The following NXPE2 variants were observed in gnomAD, a reference collection of about 807,000 sequenced individuals.
The protein encoded by NXPE2 is NXPE family member 2.
A neutral mutation model predicts 34.4 loss-of-function variants in NXPE2; 34 were observed. The ratio of observed to expected loss-of-function variants is 0.99; its 90% CI spans 0.75 to 1.31. The LOEUF (loss-of-function observed/expected upper bound fraction) is 1.31, where lower values mean the gene tolerates loss of function less well. NXPE2 is among the 40% of genes most tolerant of loss of function. NXPE2 has a pLI of 0.00. For missense variants in NXPE2, 649 were observed against 672.5 expected (o/e 0.97, Z 0.39); for synonymous variants, 235 against 231.3 (o/e 1.02, Z -0.15).
chr11:114,590,830 G>T, the NXPE2 span, among the ~76,000 whole-genome samples: 2 of 152,140 alleles, frequency 1.3e-5, no homozygotes, highest in Non-Finnish European at 2.9e-5. Context: ...AACTGTTTAT[G>T]CCCCACACAA....
the NXPE2 span, among the ~76,000 whole-genome samples, chr11:114,664,734 A>G: frequency 3.9e-5 from 6 of 152,308 alleles, no homozygotes; most frequent in Admixed American, 3.3e-4. Context: ...CGTACTTCCA[A>G]TTTTGAATTT....
chr11:114,535,719 CAAG>C, the NXPE2 span, among the ~76,000 whole-genome samples: 40 of 152,274 alleles, frequency 2.6e-4, no homozygotes, highest in African/African-American at 9.4e-4. Context: ...ATCAATTCAA[CAAG>C]AAGAACTAGC....
the NXPE2 span, among the ~76,000 whole-genome samples, chr11:114,524,560 A>G: frequency 1.3e-5 from 2 of 152,208 alleles, no homozygotes; most frequent in Non-Finnish European, 2.9e-5. Context: ...TGTTGGAATT[A>G]CAGTGTGATA....
At chr11:114,645,226 G>C in the NXPE2 span, among the ~76,000 whole-genome samples, 1 of 152,110 alleles carries the variant, frequency 6.6e-6, no homozygotes. Context: ...ACTTGAACCC[G>C]AGAGGCAGAA....
chr11:114,475,770 T>C, the NXPE2 span, among the ~76,000 whole-genome samples: 2 of 152,246 alleles, frequency 1.3e-5, no homozygotes, highest in Non-Finnish European at 2.9e-5. Flanking sequence ...TTTTGTTTCC[T>C]TGCTGCACTT....
the NXPE2 span, among the ~76,000 whole-genome samples, chr11:114,802,695 T>A: frequency 1.3e-5 from 2 of 152,198 alleles, no homozygotes. Flanking sequence ...AATTTGAGTC[T>A]AATTCCTAAT....
At chr11:114,751,031 G>C in the NXPE2 span, among the ~76,000 whole-genome samples, 1 of 152,110 alleles carries the variant, frequency 6.6e-6, no homozygotes, top group Non-Finnish European at 1.5e-5. Flanking sequence ...GTCACTCAGG[G>C]ACTCAGGCTG....
At chr11:114,787,242 T>G in the NXPE2 span, among the ~76,000 whole-genome samples, 1 of 152,190 alleles carries the variant, frequency 6.6e-6, no homozygotes, top group Non-Finnish European at 1.5e-5. Context: ...CCCTTGGTGC[T>G]GCAAGGACAC....
At position 114,698,826 on chromosome 11, in the gene NXPE2, C is replaced by T. The variant is rs1951313305; in HGVS notation, c.866+48C>T. 2.1e-6 allele frequency: 3 copies of T among 1,437,296 alleles called. No individual in the cohort carries two copies. The South Asian group carries it at 4.5e-5, about 22-fold the overall frequency. 89.0% of individuals were successfully genotyped at this position (1,437,296 alleles called of 1,614,324 possible). A position where few individuals can be genotyped will look rare whatever the true frequency, so the allele number is the denominator to read the frequency against. Reference sequence around the variant, plus strand: ...TAGCAGATAAAAAGAGGTATCCGACCAAACTCTGCCTAGTAGTTTTGCCTA... The same window carrying T: ...TAGCAGATAAAAAGAGGTATCCGACTAAACTCTGCCTAGTAGTTTTGCCTA... On this transcript the variant is annotated intron_variant, in intron 3 of 5. Coordinates refer to ENST00000389586, the MANE Select transcript of NXPE2 (RefSeq NM_182495.6).
the NXPE2 span, among the ~76,000 whole-genome samples, chr11:114,550,207 G>A: frequency 8.6e-5 from 13 of 152,006 alleles, no homozygotes; most frequent in East Asian, 1.9e-4. Context: ...GGTCAGACAG[G>A]CCAGTTAGAA....
At chr11:114,725,762 C>A in the NXPE2 span, among the ~76,000 whole-genome samples, 1 of 151,644 alleles carries the variant, frequency 6.6e-6, no homozygotes, top group Non-Finnish European at 1.5e-5. Context: ...AACCTTGTTT[C>A]ATGGGAAGGA....
chr11:114,557,918 T>C, the NXPE2 span, among the ~76,000 whole-genome samples: 4 of 151,964 alleles, frequency 2.6e-5, no homozygotes, highest in Admixed American at 6.6e-5. Flanking sequence ...TATTTATTTT[T>C]GTTTTTGGTG....
At chr11:114,707,576 C>G (rs568029041), downstream of NXPE2, 1 of 210,798 alleles carries the variant, frequency 4.7e-6, no homozygotes, top group African/African-American at 2.4e-5. Flanking sequence ...CATTTTTAAG[C>G]GTACAATTCA....
the NXPE2 span, among the ~76,000 whole-genome samples, chr11:114,489,117 G>C: frequency 6.6e-6 from 1 of 152,118 alleles, no homozygotes; most frequent in Non-Finnish European, 1.5e-5. Context: ...AGAAGAAATG[G>C]ATAAATTCCT....
the NXPE2 span, among the ~76,000 whole-genome samples, chr11:114,651,475 A>T: frequency 6.6e-6 from 1 of 152,228 alleles, no homozygotes; most frequent in Non-Finnish European, 1.5e-5. Context: ...AGTAAGCAGC[A>T]GCAAGATTTA....
At chr11:114,618,297 C>T in the NXPE2 span, among the ~76,000 whole-genome samples, 1 of 151,940 alleles carries the variant, frequency 6.6e-6, no homozygotes, top group African/African-American at 2.4e-5. Flanking sequence ...TGGGTAACCA[C>T]TGTTATCTGT....
chr11:114,809,049 C>T, the NXPE2 span, among the ~76,000 whole-genome samples: 1 of 152,136 alleles, frequency 6.6e-6, no homozygotes, highest in Non-Finnish European at 1.5e-5. Context: ...ATACACAAAT[C>T]AATAAATGTA....
chr11:114,615,623 G>A, the NXPE2 span, among the ~76,000 whole-genome samples: 14 of 149,974 alleles, frequency 9.3e-5, 3 homozygotes, highest in African/African-American at 3.5e-4. Context: ...ACTGGTACCT[G>A]GTGGATAATA....
the NXPE2 span, among the ~76,000 whole-genome samples, chr11:114,744,262 T>C: frequency 6.6e-6 from 1 of 152,196 alleles, no homozygotes; most frequent in Non-Finnish European, 1.5e-5. Context: ...GGCCAAAACG[T>C]CTGTTACTCA....
Sources: allele counts gnomAD v4.1 joint callset (sites outside exome capture counted in the v4.1 genomes callset), GRCh38; gene constraint gnomAD v4.1.1; transcripts MANE v1.5; gene names NCBI Gene and HGNC (gene_info 2026-07-23, HGNC 2026-07-21).